ADAMTS19: variants seen among roughly 807,000 people sequenced by gnomAD.
The protein encoded by ADAMTS19 is A disintegrin and metalloproteinase with thrombospondin motifs 19.
In ADAMTS19, 93 loss-of-function variants were observed where a neutral mutation model predicts 153.3. The ratio of observed to expected loss-of-function variants is 0.61; its 90% CI spans 0.51 to 0.72. ADAMTS19 has a LOEUF of 0.72. Ranked by LOEUF, ADAMTS19 falls within the 30% of genes least tolerant of loss-of-function variation. The pLI is 0.00. For synonymous variants in ADAMTS19, 600 were observed against 556.6 expected (o/e 1.08, Z -1.10); for missense variants, 1,482 against 1,552.1 (o/e 0.95, Z 0.76).
At chr5:129,729,852 T>C (rs1460324184) in intron 21 of ADAMTS19, among the ~76,000 whole-genome samples, 2 of 152,080 alleles carry the variant, frequency 1.3e-5, no homozygotes, top group Non-Finnish European at 2.9e-5. Context: ...GAGTTGATTA[T>C]GTAAGATTGA....
intron 8 of ADAMTS19, among the ~76,000 whole-genome samples, chr5:129,608,110 G>GTA (rs1368112273): frequency 2.8e-5 from 1 of 36,242 alleles, no homozygotes; most frequent in Non-Finnish European, 8.5e-5. Flanking sequence ...GTGTGTGTGT[G>GTA]TGTGTGTATA....
At chr5:129,501,498 A>T (rs1035529200) in intron 2 of ADAMTS19, among the ~76,000 whole-genome samples, 2 of 152,162 alleles carry the variant, frequency 1.3e-5, no homozygotes, top group African/African-American at 4.8e-5. Flanking sequence ...GTTATGCTTG[A>T]CGTCCAAACC....
chr5:129,540,549 A>T (rs1446479417), intron 6 of ADAMTS19, among the ~76,000 whole-genome samples: 1 of 152,044 alleles, frequency 6.6e-6, no homozygotes. Context: ...TATTTGCAGA[A>T]ATGCTTTTGG....
intron 3 of ADAMTS19, among the ~76,000 whole-genome samples, chr5:129,515,496 T>C (rs1581027039): frequency 6.6e-6 from 1 of 152,036 alleles, no homozygotes; most frequent in African/African-American, 2.4e-5. Context: ...GTTTTCATTA[T>C]AGAGGTCTTT....
chr5:129,492,597 C>G (rs114705197), intron 2 of ADAMTS19, among the ~76,000 whole-genome samples: 4,431 of 150,610 alleles, frequency 0.029, 85 homozygotes, highest in South Asian at 0.062. Context: ...GTAACCACAC[C>G]ACATAATAAA....
intron 10 of ADAMTS19, among the ~76,000 whole-genome samples, chr5:129,633,435 G>A (rs1200906764): frequency 6.6e-6 from 1 of 152,064 alleles, no homozygotes; most frequent in South Asian, 2.1e-4. Context: ...TTCTATACTA[G>A]AAATGTTGTT....
chr5:129,551,551 A>C (rs1473648325), intron 6 of ADAMTS19, among the ~76,000 whole-genome samples: 3 of 141,594 alleles, frequency 2.1e-5, no homozygotes, highest in African/African-American at 8.1e-5. Flanking sequence ...GCCTTGTCCC[A>C]ATACCAGATT....
chr5:129,544,492 C>T (rs1298420095), intron 6 of ADAMTS19, among the ~76,000 whole-genome samples: 2 of 152,124 alleles, frequency 1.3e-5, no homozygotes, highest in African/African-American at 4.8e-5. Context: ...AAGTCCAGTT[C>T]TTTTAATTAT....
chr5:129,685,443 T>C (rs938901459), intron 18 of ADAMTS19, among the ~76,000 whole-genome samples: 13 of 151,386 alleles, frequency 8.6e-5, no homozygotes, highest in African/African-American at 3.2e-4. Context: ...AAGGAGGGAA[T>C]GATCAACTGT....
At chr5:129,486,577 T>A (rs1580997436) in intron 2 of ADAMTS19, among the ~76,000 whole-genome samples, 1 of 152,178 alleles carries the variant, frequency 6.6e-6, no homozygotes, top group East Asian at 1.9e-4. Context: ...GGAATAGACA[T>A]AACTATCTCT....
At position 129,650,437 on chromosome 5, in the gene ADAMTS19, T is replaced by C. The variant is rs527470297; in HGVS notation, c.2176+1467T>C. ...CACAGTAGCACCTACATACAAGCACTAATGGAAACAGCCAAACAATAGGGC... is the reference window on the plus strand; with the variant it reads ...CACAGTAGCACCTACATACAAGCACCAATGGAAACAGCCAAACAATAGGGC... On this transcript the variant is annotated intron_variant, in intron 13 of 22. Coordinates refer to ENST00000274487, the MANE Select transcript of ADAMTS19 (RefSeq NM_133638.6). Among the ~76,000 whole-genome samples, 17 of 152,224 alleles carry C rather than the reference T, an allele frequency of 1.1e-4. 1 individual carries two copies. Among genetic ancestry groups the C allele is most frequent in the African/African-American group, 3.1e-4 (13 of 41,536 alleles).
At chr5:129,603,047 G>A (rs928266875) in intron 8 of ADAMTS19, among the ~76,000 whole-genome samples, 8 of 151,342 alleles carry the variant, frequency 5.3e-5, no homozygotes, top group African/African-American at 1.7e-4. Flanking sequence ...GAGTCTTGAC[G>A]TGAAAAAAAA....
At chr5:129,696,594 C>A (rs2127151534) in intron 19 of ADAMTS19, among the ~76,000 whole-genome samples, 1 of 152,186 alleles carries the variant, frequency 6.6e-6, no homozygotes, top group Admixed American at 6.5e-5. Context: ...TCACAGGGCC[C>A]TGAGAACATT....
intron 2 of ADAMTS19, among the ~76,000 whole-genome samples, chr5:129,464,559 C>T (rs1321832937): frequency 6.6e-6 from 1 of 152,036 alleles, no homozygotes; most frequent in Non-Finnish European, 1.5e-5. Flanking sequence ...TTAAAAGGAT[C>T]CAAAAGTCTG....
intron 21 of ADAMTS19, among the ~76,000 whole-genome samples, chr5:129,728,558 G>T (rs1233040647): frequency 6.6e-6 from 1 of 152,040 alleles, no homozygotes; most frequent in Non-Finnish European, 1.5e-5. Context: ...CTCTCTTGGG[G>T]TCTGGATCAG....
chr5:129,694,773 A>T lies in ADAMTS19; in HGVS notation c.2872A>T (p.Ile958Phe), dbSNP rs766750326. 2.4e-5 allele frequency: 39 copies of T among 1,610,698 alleles called. 2 individuals carry two copies. The South Asian group carries it at 3.8e-4, about 16-fold the overall frequency. ...CTKIMSKNIS[I>F]VDNEKCKYLT... ...AAAAATCATGAGCAAAAATATCAGC[A>T]TTGTGGACAATGAGAAATGCAAATA... The change falls in exon 19 of 23, where the codon ATT becomes TTT. Residue 958 changes from isoleucine to phenylalanine, a missense_variant. Coordinates refer to ENST00000274487, the MANE Select transcript of ADAMTS19 (RefSeq NM_133638.6).
chr5:129,501,859 G>T (rs988438588), intron 2 of ADAMTS19, among the ~76,000 whole-genome samples: 2 of 151,852 alleles, frequency 1.3e-5, no homozygotes, highest in Non-Finnish European at 2.9e-5. Context: ...AAGAGTAAAG[G>T]TCCATATAAT....
chr5:129,705,271 T>C (rs1247210478), intron 21 of ADAMTS19, among the ~76,000 whole-genome samples: 3 of 152,158 alleles, frequency 2.0e-5, no homozygotes, highest in African/African-American at 7.2e-5. Context: ...GAAAAGAAAG[T>C]GATGGCTGCT....
chr5:129,570,590 T>C (rs1253602829), intron 7 of ADAMTS19, among the ~76,000 whole-genome samples: 1 of 151,260 alleles, frequency 6.6e-6, no homozygotes, highest in African/African-American at 2.4e-5. Context: ...TACTTAGATT[T>C]ACCGATACTA....
Sources: gnomAD v4.1 joint callset for allele counts (sites outside exome capture counted in the v4.1 genomes callset) on GRCh38, gnomAD v4.1.1 for gene constraint, MANE v1.5 for transcripts, NCBI Gene and HGNC (gene_info 2026-07-23, HGNC 2026-07-21) for gene names.